Variants in HDAC4 observed in about 807,000 individuals in gnomAD.
The protein encoded by HDAC4 is histone deacetylase 4, also known as histone deacetylase A.
A neutral mutation model predicts 135.1 loss-of-function variants in HDAC4; 16 were observed. The observed-to-expected ratio is 0.12, with a 90% CI of 0.08 to 0.18. The LOEUF (loss-of-function observed/expected upper bound fraction) is 0.18, where lower values mean the gene tolerates loss of function less well. Ranked by LOEUF, HDAC4 falls within the 10% of genes least tolerant of loss-of-function variation. HDAC4 has a pLI of 1.00. For synonymous variants in HDAC4, 685 were observed against 653.4 expected, an observed-to-expected ratio of 1.05 and a Z score of -0.74; for missense variants, 1,143 against 1,511.8, an observed-to-expected ratio of 0.76 and a Z score of 4.05.
At chr2:239,325,258 C>T (rs1194160086) in intron 2 of HDAC4, among the ~76,000 whole-genome samples, 2 of 152,168 alleles carry the variant, frequency 1.3e-5, no homozygotes, top group East Asian at 3.8e-4. Flanking sequence ...AAATGAAAAA[C>T]TTCTGTGCAC....
At chr2:239,170,925 A>G (rs1194092274) in intron 5 of HDAC4, among the ~76,000 whole-genome samples, 4 of 152,236 alleles carry the variant, frequency 2.6e-5, no homozygotes, top group Non-Finnish European at 5.9e-5. Context: ...GATATGCCTT[A>G]TGAGTAACGA....
chr2:239,206,394 G>GCA (rs5839729), intron 3 of HDAC4, among the ~76,000 whole-genome samples: 14,001 of 148,772 alleles, frequency 0.094, 761 homozygotes, highest in African/African-American at 0.16. Context: ...ACACATACGT[G>GCA]CACACACACA....
rs775004440 is a variant in HDAC4 at position 239,144,731 on chromosome 2, T to A, written c.734-17A>T. 3 of 1,614,002 alleles carry A rather than the reference T, an allele frequency of 1.9e-6. No individual in the cohort carries two copies. The highest frequency in any genetic ancestry group is 1.1e-5 in the South Asian group (1 of 91,080). On this transcript the variant is annotated splice_polypyrimidine_tract_variant and intron_variant, in intron 7 of 26. Coordinates refer to ENST00000543185, the MANE Select transcript of HDAC4 (RefSeq NM_001378414.1). Reference sequence around the variant, plus strand: ...GTTCAGAAGCTGCACAAAAAGGAGATGTCATTACAGCCAGGCAGACACCAC... The same window carrying A: ...GTTCAGAAGCTGCACAAAAAGGAGAAGTCATTACAGCCAGGCAGACACCAC...
chr2:239,221,235 C>G (rs954253815), intron 3 of HDAC4, among the ~76,000 whole-genome samples: 4 of 152,118 alleles, frequency 2.6e-5, no homozygotes, highest in Non-Finnish European at 5.9e-5. Context: ...GACATCGGCC[C>G]GTTCTCTGAC....
chr2:239,117,427 A>G (rs748577690), intron 12 of HDAC4, among the ~76,000 whole-genome samples: 4 of 152,134 alleles, frequency 2.6e-5, no homozygotes, highest in Admixed American at 6.5e-5. Flanking sequence ...GAGAGGCAAG[A>G]GAGGGTGGCC....
chr2:239,061,949 A>G (rs1200314391), intron 24 of HDAC4, among the ~76,000 whole-genome samples: 1 of 152,228 alleles, frequency 6.6e-6, no homozygotes, highest in Admixed American at 6.5e-5. Flanking sequence ...CTCAGACAGG[A>G]GAGACGGTCC....
intron 3 of HDAC4, chr2:239,191,038 C>G (rs1011383046): frequency 4.3e-6 from 2 of 459,972 alleles, no homozygotes; most frequent in Non-Finnish European, 8.8e-6. Flanking sequence ...TTCTCAGACA[C>G]GCGACTCTGC....
chr2:239,067,515 G>A (rs894605019), intron 23 of HDAC4, among the ~76,000 whole-genome samples: 5 of 152,286 alleles, frequency 3.3e-5, no homozygotes, highest in Non-Finnish European at 1.5e-5. Flanking sequence ...GATGGAAACA[G>A]TGACAGGGGC....
intron 1 of HDAC4, among the ~76,000 whole-genome samples, chr2:239,383,394 T>A (rs539501850): frequency 6.6e-6 from 1 of 152,244 alleles, no homozygotes; most frequent in South Asian, 2.1e-4. Flanking sequence ...TAAAGCTGCC[T>A]CTCGGGAGAT....
At chr2:239,207,516 C>T (rs533074258) in intron 3 of HDAC4, among the ~76,000 whole-genome samples, 1 of 152,092 alleles carries the variant, frequency 6.6e-6, no homozygotes, top group South Asian at 2.1e-4. Flanking sequence ...AGAATAGGCA[C>T]AAATTAAAAA....
intron 16 of HDAC4, chr2:239,102,482 G>A (rs1216724672): frequency 1.2e-5 from 5 of 418,146 alleles, no homozygotes; most frequent in Admixed American, 7.1e-5. Context: ...GGCAGGGCGG[G>A]CAGCATGCTG....
At chr2:239,297,741 C>T (rs2051999617) in intron 2 of HDAC4, among the ~76,000 whole-genome samples, 1 of 152,172 alleles carries the variant, frequency 6.6e-6, no homozygotes. Flanking sequence ...TGGGCTCAGC[C>T]CCACCTGACA....
rs561727041 is a variant in HDAC4, at chr2:239,134,436, G to A, written c.1103C>T (p.Ala368Val). The A allele has an allele frequency of 1.9e-5, 31 of 1,613,346 alleles. No homozygotes were observed. Among genetic ancestry groups the A allele is most frequent in the South Asian group, 4.4e-5 (4 of 91,004 alleles). Residue 368 changes from alanine (A) to valine (V), a missense_variant, in exon 11 of 27, where the codon GCG becomes GTG. By Grantham distance (64) the Ala-to-Val change is moderately conservative. Coordinates refer to ENST00000543185, the MANE Select transcript of HDAC4 (RefSeq NM_001378414.1). ...LPATGPSAGT[A>V]GQQDAERLTL... ...GAGTCTCTCGGCGTCCTGCTGGCCC[G>A]CCGTGCCCTGGAAAGCACAGCCAGG...
intron 2 of HDAC4, among the ~76,000 whole-genome samples, chr2:239,247,247 C>T (rs1230230598): frequency 3.9e-5 from 6 of 152,214 alleles, no homozygotes; most frequent in Admixed American, 2.6e-4. Context: ...CGCAGGCATC[C>T]TACTTTCTAA....
chr2:239,344,152 C>T (rs542633458), intron 2 of HDAC4, among the ~76,000 whole-genome samples: 413 of 152,300 alleles, frequency 2.7e-3, no homozygotes, highest in Non-Finnish European at 5.0e-3. Flanking sequence ...CAGCCACGCA[C>T]CTGCACACCT....
chr2:239,201,514 T>C (rs484661), intron 3 of HDAC4, among the ~76,000 whole-genome samples: 137,337 of 152,204 alleles, frequency 0.9, 62,090 homozygotes, highest in South Asian at 0.97. Flanking sequence ...AATTACTATT[T>C]GCTGAGAGCC....
chr2:239,307,123 GT>G lies in HDAC4; in HGVS notation c.22+45554del, dbSNP rs2052634926. On this transcript the variant is annotated intron_variant, in intron 2 of 26. Transcript: ENST00000543185. The surrounding 1 kb of genome is among the most constrained non-coding windows in gnomAD (Gnocchi z 4.8). ...ATCTCAGGCCACACCCTCCAGCTCT[GT>G]GCCTGCCGTCCATCCTGGGTGCCCA... 6.6e-6 allele frequency among the ~76,000 whole-genome samples: 1 copy of G among 152,062 alleles called. No individual in the cohort carries two copies. Among genetic ancestry groups the G allele is most frequent in the East Asian group, 1.9e-4 (1 of 5,152 alleles).
Position 239,285,029 on chromosome 2 carries a change from G to A in HDAC4, c.23-48365C>T, listed in dbSNP as rs758684936. On this transcript the variant is annotated intron_variant, in intron 2 of 26. Transcript: ENST00000543185. This position sits in a 1 kb window ranked among gnomAD's most constrained non-coding sequence, Gnocchi z 4.5. ...CATGAAGGAAGCCCAGAGACAAGTC[G>A]TCTAAATGCATCCATCAGTCTACCA... Among the ~76,000 whole-genome samples the A allele has an allele frequency of 7.2e-5, 11 of 152,140 alleles. No individual in the cohort carries two copies. The highest frequency in any genetic ancestry group is 1.2e-4 in the Non-Finnish European group (8 of 68,030).
At chr2:239,217,740 G>T (rs2046720778) in intron 3 of HDAC4, among the ~76,000 whole-genome samples, 1 of 152,096 alleles carries the variant, frequency 6.6e-6, no homozygotes, top group Non-Finnish European at 1.5e-5. Context: ...CAAATAAAAG[G>T]TAAGAAAGCC....
Sources: gnomAD v4.1 joint callset for allele counts (sites outside exome capture counted in the v4.1 genomes callset) on GRCh38, gnomAD v4.1.1 for gene constraint, Gnocchi (gnomAD v3.1) non-coding constraint, MANE v1.5 for transcripts, NCBI Gene and HGNC (gene_info 2026-07-23, HGNC 2026-07-21) for gene names.